TENM2: variants seen among roughly 807,000 people sequenced by gnomAD.
The protein encoded by TENM2 is teneurin-2.
A neutral mutation model predicts 245.2 loss-of-function variants in TENM2; 52 were observed. The observed-to-expected ratio is 0.21, with a 90% CI of 0.17 to 0.27. TENM2 has a LOEUF of 0.27. TENM2 is among the 10% of genes least tolerant of loss of function. The pLI is 1.00. For missense variants in TENM2, 3,046 were observed against 3,666.8 expected (o/e 0.83, Z 4.37); for synonymous variants, 1,363 against 1,438.9 (o/e 0.95, Z 1.19).
At chr5:167,611,104 C>T (rs966097068) in intron 2 of TENM2, among the ~76,000 whole-genome samples, 5 of 152,182 alleles carry the variant, frequency 3.3e-5, no homozygotes, top group African/African-American at 1.2e-4. Flanking sequence ...TATTCACCTT[C>T]ATAATAACCT....
At chr5:167,343,171 C>T (rs1238169178) in intron 1 of TENM2, among the ~76,000 whole-genome samples, 2 of 152,124 alleles carry the variant, frequency 1.3e-5, no homozygotes, top group African/African-American at 4.8e-5. Context: ...ATACACCCAT[C>T]ATTGTGGGGT....
chr5:167,357,300 CT>C (rs11442891), intron 1 of TENM2, among the ~76,000 whole-genome samples: 24 of 139,956 alleles, frequency 1.7e-4, no homozygotes, highest in Non-Finnish European at 2.1e-4. Context: ...GCCATCCTTT[CT>C]TTTTTTTTTT....
chr5:167,349,247 AAT>A (rs1486820799), intron 1 of TENM2, among the ~76,000 whole-genome samples: 1 of 152,192 alleles, frequency 6.6e-6, no homozygotes, highest in African/African-American at 2.4e-5. Context: ...CACGTCATCT[AAT>A]AGATCTAGGT....
chr5:168,256,065 AAGT>A, intron 27 of TENM2, among the ~76,000 whole-genome samples: 1 of 151,954 alleles, frequency 6.6e-6, no homozygotes, highest in East Asian at 2.0e-4. Context: ...CGGCCTCCCA[AAGT>A]GCTAGGATTA....
chr5:167,301,886 A>C (rs1036989543), intron 1 of TENM2, among the ~76,000 whole-genome samples: 2 of 152,080 alleles, frequency 1.3e-5, no homozygotes, highest in Non-Finnish European at 2.9e-5. Context: ...ACCGGGTGTG[A>C]GGAGGGGAGG....
chr5:168,180,163 T>C (rs570201356), intron 13 of TENM2, among the ~76,000 whole-genome samples: 35 of 152,304 alleles, frequency 2.3e-4, no homozygotes, highest in Admixed American at 2.0e-3. Context: ...GGCTGGTCCT[T>C]CCAAGAACAA....
At chr5:167,613,040 C>G (rs1777573343) in intron 2 of TENM2, among the ~76,000 whole-genome samples, 1 of 152,108 alleles carries the variant, frequency 6.6e-6, no homozygotes, top group Admixed American at 6.5e-5. Flanking sequence ...AGAGTCAGAT[C>G]TGACTATAAA....
intron 27 of TENM2, 40 bp from the exon 30 acceptor site, chr5:168,260,243 T>C (rs1388172512): frequency 6.2e-7 from 1 of 1,611,528 alleles, no homozygotes; most frequent in African/African-American, 1.3e-5. Context: ...TCTCCATCCA[T>C]CATGATTTCA....
chr5:167,405,189 T>C (rs1762565769), intron 2 of TENM2, among the ~76,000 whole-genome samples: 1 of 152,106 alleles, frequency 6.6e-6, no homozygotes, highest in Non-Finnish European at 1.5e-5. Context: ...CATTCATCAG[T>C]TGATGGATAT....
chr5:167,430,357 A>G (rs975250777), intron 2 of TENM2, among the ~76,000 whole-genome samples: 12 of 152,286 alleles, frequency 7.9e-5, no homozygotes, highest in East Asian at 1.9e-4. Flanking sequence ...TTTGTCCACC[A>G]TAAGTATTCA....
chr5:167,031,012 C>A, the TENM2 span, among the ~76,000 whole-genome samples: 4 of 152,190 alleles, frequency 2.6e-5, no homozygotes, highest in African/African-American at 9.7e-5. Flanking sequence ...CTGGGCATTT[C>A]TCTGGCAATT....
intron 2 of TENM2, among the ~76,000 whole-genome samples, chr5:167,644,467 A>C: frequency 6.6e-6 from 1 of 152,192 alleles, no homozygotes; most frequent in East Asian, 1.9e-4. Context: ...GTGTTGAAAA[A>C]GAGTCAGTAG....
rs532250495 is a variant in TENM2 at position 167,918,922 on chromosome 5, G to A, written c.713-33666G>A. Among the ~76,000 whole-genome samples, 56 of 152,188 alleles carry A rather than the reference G, an allele frequency of 3.7e-4. No homozygotes were observed. In the South Asian group the frequency reaches 6.2e-3, roughly 17 times the overall value. On this transcript the variant is annotated intron_variant, in intron 3 of 28. Transcript: ENST00000518659. ...ATAATTTTGGAGAATTTCTGCAATA[G>A]CGAGTTAATTCATAATTGGGTTTGC...
chr5:166,995,049 A>G, the TENM2 span, among the ~76,000 whole-genome samples: 1 of 152,158 alleles, frequency 6.6e-6, no homozygotes, highest in Non-Finnish European at 1.5e-5. Context: ...AGAATGCACA[A>G]AAAAGATGGA....
intron 2 of TENM2, among the ~76,000 whole-genome samples, chr5:167,448,403 C>G (rs1182747020): frequency 6.6e-6 from 1 of 151,534 alleles, no homozygotes; most frequent in African/African-American, 2.4e-5. Flanking sequence ...CTGTCTGTCT[C>G]CAGTTGTTTT....
chr5:167,847,757 T>C, intron 2 of TENM2, among the ~76,000 whole-genome samples: 1 of 152,250 alleles, frequency 6.6e-6, no homozygotes, highest in East Asian at 1.9e-4. Flanking sequence ...CAGCTTCTTT[T>C]CATTAGAACT....
At chr5:167,373,432 C>T (rs1760560267) in intron 1 of TENM2, among the ~76,000 whole-genome samples, 2 of 152,144 alleles carry the variant, frequency 1.3e-5, no homozygotes, top group Non-Finnish European at 2.9e-5. Flanking sequence ...TGGGTAAACT[C>T]TTGGCTTTGG....
At position 167,854,347 on chromosome 5, in the gene TENM2, GA is replaced by G. The variant is rs57202093; in HGVS notation, c.503-21632del. 6.7e-3 allele frequency among the ~76,000 whole-genome samples: 1,026 copies of G among 152,134 alleles called. 13 individuals carry two copies. Among genetic ancestry groups the G allele is most frequent in the African/African-American group, 0.023 (972 of 41,522 alleles). ...ACATGTGAATATGAGTTTGTAGGGG[GA>G]AAAAAAGGCTTATTTTTTGGACCAT... On this transcript the variant is annotated intron_variant, in intron 2 of 28. Coordinates refer to ENST00000518659, the Ensembl canonical transcript of TENM2.
intron 2 of TENM2, among the ~76,000 whole-genome samples, chr5:167,845,799 G>T (rs948137556): frequency 4.6e-5 from 7 of 152,310 alleles, no homozygotes; most frequent in Non-Finnish European, 1.0e-4. Context: ...GCCCTGGAAA[G>T]TAGGTGCATG....
Sources: allele counts gnomAD v4.1 joint callset (sites outside exome capture counted in the v4.1 genomes callset), GRCh38; gene constraint gnomAD v4.1.1; transcripts MANE v1.5; gene names NCBI Gene and HGNC (gene_info 2026-07-23, HGNC 2026-07-21).